The following RGPD5 variants were observed in gnomAD, a reference collection of about 807,000 sequenced individuals.
RGPD5 encodes RANBP2 like and GRIP domain containing 5, also known as RANBP2-like and GRIP domain-containing protein 5/6.
the RGPD5 span, among the ~76,000 whole-genome samples, chr2:109,774,511 TATA>T: frequency 2.5e-5 from 2 of 79,620 alleles, no homozygotes; most frequent in African/African-American, 1.4e-4. Context: ...TATATATATA[TATA>T]ATATATATTA....
the RGPD5 span, among the ~76,000 whole-genome samples, chr2:109,763,435 T>C: frequency 2.0e-5 from 3 of 150,256 alleles, no homozygotes; most frequent in African/African-American, 7.3e-5. Flanking sequence ...CCCAGTGATC[T>C]GACTTCAAAT....
chr2:109,767,179 T>G, the RGPD5 span, among the ~76,000 whole-genome samples: 1 of 140,954 alleles, frequency 7.1e-6, no homozygotes, highest in Non-Finnish European at 1.5e-5. Flanking sequence ...ACCCTTTGCT[T>G]TCTTAAAAAT....
chr2:109,763,481 C>A, the RGPD5 span, among the ~76,000 whole-genome samples: 5 of 150,226 alleles, frequency 3.3e-5, no homozygotes, highest in East Asian at 2.0e-4. Flanking sequence ...GAGTACTTCA[C>A]ATATCTCTCA....
chr2:109,763,893 CAG>C, the RGPD5 span, among the ~76,000 whole-genome samples: 2 of 147,538 alleles, frequency 1.4e-5, no homozygotes, highest in African/African-American at 2.5e-5. Flanking sequence ...CTTGCAGTCA[CAG>C]AGAGTGTCCT....
the RGPD5 span, among the ~76,000 whole-genome samples, chr2:109,774,853 G>A: frequency 1.7e-5 from 1 of 60,508 alleles, no homozygotes; most frequent in Non-Finnish European, 2.8e-5. Context: ...CAAATTTTAT[G>A]GATGAAGACT....
At chr2:109,794,630 C>CCCGGCCCG (rs1676885105) in intron 1 of RGPD5, 93 bp downstream of exon 1, 1 of 781,296 alleles carries the variant, frequency 1.3e-6, no homozygotes, top group African/African-American at 2.7e-5. Context: ...CGGCGGCGGC[C>CCCGGCCCG]GCCTCGATGG....
chr2:109,765,318 A>G, the RGPD5 span, among the ~76,000 whole-genome samples: 3 of 149,132 alleles, frequency 2.0e-5, 1 homozygote, highest in South Asian at 6.7e-4. Context: ...AAACAAGAGC[A>G]TCATGAAATA....
chr2:109,764,627 A>G, the RGPD5 span, among the ~76,000 whole-genome samples: 1 of 148,844 alleles, frequency 6.7e-6, no homozygotes, highest in South Asian at 2.3e-4. Context: ...AAAAGAGACC[A>G]TATTTGGGAC....
At chr2:109,766,314 C>A in the RGPD5 span, among the ~76,000 whole-genome samples, 1 of 150,930 alleles carries the variant, frequency 6.6e-6, no homozygotes, top group Admixed American at 6.7e-5. Context: ...TGGAGTGTTG[C>A]ATCCGCTGTG....
At chr2:109,760,657 G>C in the RGPD5 span, among the ~76,000 whole-genome samples, 2 of 144,988 alleles carry the variant, frequency 1.4e-5, no homozygotes, top group Admixed American at 1.4e-4. Flanking sequence ...CGCAGCGCGC[G>C]GGCGGCCCGA....
the RGPD5 span, among the ~76,000 whole-genome samples, chr2:109,771,364 T>A: frequency 2.3e-5 from 2 of 85,208 alleles, 1 homozygote; most frequent in Admixed American, 2.9e-4. Flanking sequence ...TAAAGTCCGT[T>A]CTGCCTGAGC....
At chr2:109,765,738 C>T in the RGPD5 span, among the ~76,000 whole-genome samples, 1 of 150,980 alleles carries the variant, frequency 6.6e-6, no homozygotes, top group Non-Finnish European at 1.5e-5. Flanking sequence ...GGGAGGGATG[C>T]AGAGGCACTA....
the RGPD5 span, among the ~76,000 whole-genome samples, chr2:109,765,757 G>C: frequency 1.3e-5 from 2 of 151,070 alleles, no homozygotes; most frequent in African/African-American, 4.9e-5. Flanking sequence ...TAGCAGTTTA[G>C]TCTCCCTAAG....
At chr2:109,761,893 A>G in the RGPD5 span, among the ~76,000 whole-genome samples, 2 of 151,648 alleles carry the variant, frequency 1.3e-5, no homozygotes, top group African/African-American at 4.9e-5. Context: ...CTAAAACTGC[A>G]TGTGGTGTGC....
chr2:109,767,177 C>T, the RGPD5 span, among the ~76,000 whole-genome samples: 1 of 140,902 alleles, frequency 7.1e-6, no homozygotes, highest in South Asian at 2.5e-4. Flanking sequence ...ATACCCTTTG[C>T]TTTCTTAAAA....
At chr2:109,764,640 G>A in the RGPD5 span, among the ~76,000 whole-genome samples, 1 of 148,360 alleles carries the variant, frequency 6.7e-6, no homozygotes, top group Non-Finnish European at 1.5e-5. Context: ...TTTGGGACTT[G>A]GGTGGAGGAT....
chr2:109,763,443 A>G, the RGPD5 span, among the ~76,000 whole-genome samples: 1 of 150,176 alleles, frequency 6.7e-6, no homozygotes, highest in African/African-American at 2.4e-5. Context: ...TCTGACTTCA[A>G]ATCCAGTCAG....
intron 1 of RGPD5, 77 bp downstream of exon 1, chr2:109,794,614 G>GCCCC (rs1553471502): frequency 1.4e-5 from 1 of 72,258 alleles, no homozygotes; most frequent in African/African-American, 1.1e-4. Flanking sequence ...GCGGCGGGGG[G>GCCCC]GGCGGCGGCG....
the RGPD5 span, among the ~76,000 whole-genome samples, chr2:109,771,416 G>A: frequency 3.9e-5 from 4 of 103,390 alleles, 1 homozygote; most frequent in African/African-American, 2.0e-4. Flanking sequence ...TAGAGCCCAG[G>A]ACAGAGTTTG....
Sources: gnomAD v4.1 joint callset for allele counts (sites outside exome capture counted in the v4.1 genomes callset) on GRCh38, gnomAD v4.1.1 for gene constraint, MANE v1.5 for transcripts, NCBI Gene and HGNC (gene_info 2026-07-23, HGNC 2026-07-21) for gene names.